The following KLHL28 variants were observed in gnomAD, a reference collection of about 807,000 sequenced individuals.
The protein encoded by KLHL28 is kelch-like protein 28.
Under a neutral mutation model 48.3 loss-of-function variants are expected in KLHL28, and 22 were observed. The observed-to-expected ratio is 0.46, with a 90% CI of 0.33 to 0.65. The LOEUF (loss-of-function observed/expected upper bound fraction) is 0.65, where lower values mean the gene tolerates loss of function less well. Ranked by LOEUF, KLHL28 falls within the 30% of genes least tolerant of loss-of-function variation. The pLI, the probability that KLHL28 is intolerant of heterozygous loss-of-function variation, is 0.03. For missense variants in KLHL28, 527 were observed against 704.3 expected, an observed-to-expected ratio of 0.75 and a Z score of 2.85; for synonymous variants, 243 against 242.4, an observed-to-expected ratio of 1.00 and a Z score of -0.02.
chr14:44,927,148 A>G lies in KLHL28; in HGVS notation c.*1880T>C, dbSNP rs966683056. 1 of 152,632 alleles carries G rather than the reference A, an allele frequency of 6.6e-6. No individual in the cohort carries two copies. The highest frequency in any genetic ancestry group is 1.5e-5 in the Non-Finnish European group (1 of 68,016). 9.5% of individuals were successfully genotyped at this position (152,632 alleles called of 1,614,324 possible). On this transcript the variant is annotated 3_prime_UTR_variant, in exon 5 of 5. Transcript: ENST00000396128. ...CCTGTTGAGTTCTAAATTAGAAGAG[A>G]CTAAAAATCACTTGCAAGGTTTTAT...
At chr14:44,951,567 CATA>C (rs1406816719) in intron 1 of KLHL28, among the ~76,000 whole-genome samples, 1 of 152,132 alleles carries the variant, frequency 6.6e-6, no homozygotes, top group Non-Finnish European at 1.5e-5. Context: ...CATTTTACTC[CATA>C]ATAATAGAAA....
At chr14:44,956,380 AAGAG>A (rs1285445928) in intron 1 of KLHL28, among the ~76,000 whole-genome samples, 1 of 152,208 alleles carries the variant, frequency 6.6e-6, no homozygotes, top group Non-Finnish European at 1.5e-5. Flanking sequence ...ATATCACAAA[AAGAG>A]AGATAGCTAG....
Position 44,934,455 on chromosome 14 carries a change from CAT to C in KLHL28, c.1001_1002del (p.Tyr334CysfsTer8). The C allele has an allele frequency of 6.2e-7, 1 of 1,614,082 alleles. No individual in the cohort carries two copies. On this transcript the variant is annotated frameshift_variant, in exon 3 of 5. Transcript: ENST00000396128. LOFTEE classifies it high-confidence loss of function. ...FGICVLDQKV[Y>X]VIGGIATNVR... ...ACATTAGTTGCAATACCACCTATAA[CAT>C]ATACTTTTTGGTCTAAAACGCATAT... is the stretch of plus-strand genomic sequence containing the variant.
In KLHL28 at chr14:44,945,878, A is replaced by G; in HGVS notation, c.51T>C (p.His17=). The change falls in exon 2 of 5, where the codon CAT becomes CAC. Residue 17 remains histidine (H), a synonymous_variant. Transcript: ENST00000396128. ...TCAAGCCCTGCAGAAGTTGTTCAGA[A>G]TGCAAGTGGGTTAAGTTAGCAAGCA... ...TYMLANLTHL[H]SEQLLQGLNL... is the part of the protein sequence containing the mutation. 2 of 1,614,142 alleles carry G rather than the reference A, an allele frequency of 1.2e-6. No homozygotes were observed. The highest frequency in any genetic ancestry group is 8.5e-7 in the Non-Finnish European group (1 of 1,179,970).
At chr14:44,949,655 C>A (rs1003691349) in intron 1 of KLHL28, among the ~76,000 whole-genome samples, 1 of 151,994 alleles carries the variant, frequency 6.6e-6, no homozygotes, top group African/African-American at 2.4e-5. Flanking sequence ...CATTGACTAA[C>A]ACAATAAGGA....
intron 1 of KLHL28, among the ~76,000 whole-genome samples, chr14:44,948,890 C>T (rs942508542): frequency 2.6e-5 from 4 of 152,076 alleles, no homozygotes; most frequent in African/African-American, 9.7e-5. Context: ...CCTTTACATG[C>T]AATTAATTCA....
chr14:44,952,420 T>C (rs1486832332), intron 1 of KLHL28, among the ~76,000 whole-genome samples: 1 of 152,186 alleles, frequency 6.6e-6, no homozygotes, highest in Non-Finnish European at 1.5e-5. Flanking sequence ...GTGTTTTAAG[T>C]CCTCCAGGTT....
At chr14:44,941,586 C>T (rs1195481086) in intron 2 of KLHL28, among the ~76,000 whole-genome samples, 6 of 150,396 alleles carry the variant, frequency 4.0e-5, no homozygotes, top group African/African-American at 1.5e-4. Context: ...CGAGATTGCG[C>T]CACTGCACTC....
chr14:44,942,469 A>G (rs1422369866), intron 2 of KLHL28, among the ~76,000 whole-genome samples: 2 of 152,192 alleles, frequency 1.3e-5, no homozygotes, highest in African/African-American at 4.8e-5. Flanking sequence ...TAATACAGCC[A>G]GAATGATACA....
At chr14:44,934,682 T>C in intron 2 of KLHL28, 124 bp from the exon 3 acceptor site, 1 of 697,466 alleles carries the variant, frequency 1.4e-6, no homozygotes, top group South Asian at 2.8e-5. Context: ...ATGACACACC[T>C]TCCAAAGTGG....
At chr14:44,951,854 G>GTTT (rs1594582827) in intron 1 of KLHL28, among the ~76,000 whole-genome samples, 6 of 151,950 alleles carry the variant, frequency 3.9e-5, no homozygotes, top group Admixed American at 2.0e-4. Flanking sequence ...TTTTTGTTTT[G>GTTT]TTTTTGTTTT....
chr14:44,954,829 T>C (rs1331825598), intron 1 of KLHL28, among the ~76,000 whole-genome samples: 4 of 152,138 alleles, frequency 2.6e-5, no homozygotes, highest in Non-Finnish European at 5.9e-5. Context: ...AAAAACATGA[T>C]CCATAAGAAA....
chr14:44,928,817 C>CT lies in KLHL28; in HGVS notation c.*210dup. On this transcript the variant is annotated 3_prime_UTR_variant, in exon 5 of 5. Coordinates refer to ENST00000396128, the MANE Select transcript of KLHL28 (RefSeq NM_017658.5). ...CAAAGTCTTTACTTTTTTTTTTTCT[C>CT]TTTTTTCTTTTTGATTATTGATTTA... is the stretch of plus-strand genomic sequence containing the variant. 3.3e-6 allele frequency: 1 copy of CT among 306,360 alleles called. No homozygotes were observed. The highest frequency in any genetic ancestry group is 5.4e-5 in the East Asian group (1 of 18,638). The allele number at this position is 306,360 out of a possible 1,614,324, so 19.0% of individuals were successfully genotyped here. A position where few individuals can be genotyped will look rare whatever the true frequency, so the allele number is the denominator to read the frequency against.
At chr14:44,936,161 G>C (rs1034890335) in intron 2 of KLHL28, among the ~76,000 whole-genome samples, 1 of 151,722 alleles carries the variant, frequency 6.6e-6, no homozygotes, top group Non-Finnish European at 1.5e-5. Flanking sequence ...GTGAAAACAG[G>C]GGGTATAACT....
rs1206442933 is a variant in KLHL28 at position 44,934,239 on chromosome 14, T to C, written c.1219A>G (p.Ile407Val). 1.2e-6 allele frequency: 2 copies of C among 1,614,104 alleles called. No individual in the cohort carries two copies. The highest frequency in any genetic ancestry group is 8.5e-7 in the Non-Finnish European group (1 of 1,180,038). ...QSYLQSVEKY[I>V]PKIRKWQPVA... The stretch of plus-strand genomic sequence containing the variant: ...GGTTGCCATTTTCTTATTTTGGGAA[T>C]GTACTTCTCTACAGATTGTAAATAA... The change falls in exon 3 of 5, where the codon ATT (isoleucine) becomes GTT (valine). Residue 407 changes from isoleucine to valine, a missense_variant. Coordinates refer to ENST00000396128, the MANE Select transcript of KLHL28 (RefSeq NM_017658.5).
chr14:44,931,415 G>C lies in KLHL28; in HGVS notation c.1470C>G (p.Val490=). ...FIFVVGGHNG[V]SHLSSIERYD... ...ATCTTTCAATGCTGGACAAATGTGA[G>C]ACTCCATTATGTCCACCCACCACAA... Residue 490 remains valine (V), a synonymous_variant, in exon 4 of 5, where the codon GTC becomes GTG. Transcript: ENST00000396128. 6.2e-7 allele frequency: 1 copy of C among 1,613,948 alleles called. No homozygotes were observed.
At chr14:44,958,230 G>A (rs1884875043) in intron 1 of KLHL28, among the ~76,000 whole-genome samples, 1 of 151,768 alleles carries the variant, frequency 6.6e-6, no homozygotes, top group Admixed American at 6.6e-5. Context: ...CTGAAACCAA[G>A]TTAATAAAGG....
At chr14:44,942,672 C>T (rs1328023807) in intron 2 of KLHL28, among the ~76,000 whole-genome samples, 1 of 152,020 alleles carries the variant, frequency 6.6e-6, no homozygotes, top group Admixed American at 6.6e-5. Context: ...CATAATGTAT[C>T]ATGCCATTGT....
At position 44,927,106 on chromosome 14, in the gene KLHL28, A is replaced by C. The variant is rs1883398640; in HGVS notation, c.*1922T>G. On this transcript the variant is annotated 3_prime_UTR_variant, in exon 5 of 5. Transcript: ENST00000396128. ...CAACATAGAAAATACTCAGACTATC[A>C]ATTGTTATTAGTTGCTCCTGTTGAG... 1.3e-5 allele frequency: 2 copies of C among 152,624 alleles called. No individual in the cohort carries two copies. Among genetic ancestry groups the C allele is most frequent in the Admixed American group, 6.5e-5 (1 of 15,284 alleles). 9.5% of individuals were successfully genotyped at this position (152,624 alleles called of 1,614,324 possible). A position where few individuals can be genotyped will look rare whatever the true frequency, so the allele number is the denominator to read the frequency against.
Sources: gnomAD v4.1 joint callset for allele counts (sites outside exome capture counted in the v4.1 genomes callset) on GRCh38, gnomAD v4.1.1 for gene constraint, MANE v1.5 for transcripts, NCBI Gene and HGNC (gene_info 2026-07-23, HGNC 2026-07-21) for gene names.